Variants in GPD2 observed in about 807,000 individuals in gnomAD.
GPD2 encodes glycerol-3-phosphate dehydrogenase 2.
A neutral mutation model predicts 82.4 loss-of-function variants in GPD2; 54 were observed. The ratio of observed to expected loss-of-function variants is 0.66; its 90% CI spans 0.53 to 0.82. GPD2 has a LOEUF of 0.82. GPD2 is among the 40% of genes least tolerant of loss of function. GPD2 has a pLI of 0.00. For synonymous variants in GPD2, 288 were observed against 306.1 expected, an observed-to-expected ratio of 0.94 and a Z score of 0.62; for missense variants, 748 against 896.2, an observed-to-expected ratio of 0.83 and a Z score of 2.11.
intron 1 of GPD2, among the ~76,000 whole-genome samples, chr2:156,461,544 C>G (rs1682988022): frequency 6.6e-6 from 1 of 151,844 alleles, no homozygotes; most frequent in African/African-American, 2.4e-5. Context: ...ATGCCCAGCT[C>G]ATTTTTTCTA....
chr2:156,492,891 G>T (rs1684235760), intron 2 of GPD2, among the ~76,000 whole-genome samples: 2 of 152,248 alleles, frequency 1.3e-5, no homozygotes, highest in South Asian at 2.1e-4. Context: ...CAGAGAAAAA[G>T]GTTTGAGAAG....
intron 1 of GPD2, 91 bp from the exon 2 acceptor site, chr2:156,476,007 G>A (rs1683497368): frequency 6.5e-6 from 5 of 764,914 alleles, no homozygotes; most frequent in Non-Finnish European, 9.5e-6. Context: ...GTTTAACATG[G>A]TTTCATAATC....
chr2:156,557,037 A>G (rs1387502054), intron 8 of GPD2, among the ~76,000 whole-genome samples: 4 of 152,188 alleles, frequency 2.6e-5, no homozygotes, highest in Non-Finnish European at 5.9e-5. Flanking sequence ...GAAAGTATAG[A>G]CATTTATCCT....
In GPD2 at chr2:156,540,981, C is replaced by T. The variant is rs148955441; in HGVS notation, c.662-8627C>T. On this transcript the variant is annotated intron_variant, in intron 6 of 16. Coordinates refer to ENST00000438166, the MANE Select transcript of GPD2 (RefSeq NM_000408.5). ...TTTAAAAGTTATTTTAGGCAATAAC[C>T]ACATCTTGTCGTTATAGTCTTTGCT... Among the ~76,000 whole-genome samples, 382 of 152,292 alleles carry T rather than the reference C, an allele frequency of 2.5e-3. 1 individual carries two copies. Among genetic ancestry groups the T allele is most frequent in the African/African-American group, 8.1e-3 (335 of 41,568 alleles).
At chr2:156,516,347 A>G (rs567841738) in intron 6 of GPD2, among the ~76,000 whole-genome samples, 1 of 152,390 alleles carries the variant, frequency 6.6e-6, no homozygotes, top group African/African-American at 2.4e-5. Context: ...GCCATTTTAA[A>G]GTGAACAGAA....
chr2:156,550,589 CTTTCTT>C lies in GPD2; in HGVS notation c.827-11_827-6del. The C allele has an allele frequency of 6.2e-7, 1 of 1,613,690 alleles. No homozygotes were observed. The highest frequency in any genetic ancestry group is 8.5e-7 in the Non-Finnish European group (1 of 1,179,560). ...CAAATGAGGTGTGTGATTGATGCCA[CTTTCTT>C]TCACAGGGCAGGAATTTGACGTGAG... On this transcript the variant is annotated splice_polypyrimidine_tract_variant and splice_region_variant and intron_variant, in intron 7 of 16. Transcript: ENST00000438166.
intron 6 of GPD2, among the ~76,000 whole-genome samples, chr2:156,526,498 C>T (rs1250858152): frequency 6.6e-6 from 1 of 152,082 alleles, no homozygotes; most frequent in East Asian, 1.9e-4. Context: ...ATGAGTCTGT[C>T]TTATACTAAT....
chr2:156,585,176 A>G lies in GPD2; in HGVS notation c.*2258A>G, dbSNP rs1419807375. 2 of 152,492 alleles carry G rather than the reference A, an allele frequency of 1.3e-5. No homozygotes were observed. The highest frequency in any genetic ancestry group is 2.1e-4 in the South Asian group (1 of 4,826). The allele number at this position is 152,492 out of a possible 1,614,324, so 9.4% of individuals were successfully genotyped here. A position where few individuals can be genotyped will look rare whatever the true frequency, so the allele number is the denominator to read the frequency against. On this transcript the variant is annotated 3_prime_UTR_variant, in exon 17 of 17. Coordinates refer to ENST00000438166, the MANE Select transcript of GPD2 (RefSeq NM_000408.5). ...TGAATAAAGCACCCCAGCATTTTGT[A>G]TAAGCTCTTAATTAAACCTGTACAG...
intron 8 of GPD2, among the ~76,000 whole-genome samples, chr2:156,551,766 A>G (rs1686767637): frequency 6.6e-6 from 1 of 152,208 alleles, no homozygotes; most frequent in African/African-American, 2.4e-5. Flanking sequence ...TATAATGTCA[A>G]TTTAGAGTAT....
chr2:156,555,785 T>G (rs1220684252), intron 8 of GPD2, among the ~76,000 whole-genome samples: 1 of 152,192 alleles, frequency 6.6e-6, no homozygotes, highest in Admixed American at 6.5e-5. Context: ...AGTAAAATTA[T>G]TTTCTCTAAG....
At chr2:156,544,329 C>T (rs1019967017) in intron 6 of GPD2, among the ~76,000 whole-genome samples, 2 of 152,142 alleles carry the variant, frequency 1.3e-5, no homozygotes, top group African/African-American at 2.4e-5. Flanking sequence ...CAGAAACATA[C>T]AAGTGTTCTT....
intron 9 of GPD2, among the ~76,000 whole-genome samples, chr2:156,561,803 G>GA (rs1216383197): frequency 4.0e-5 from 6 of 151,806 alleles, no homozygotes; most frequent in Non-Finnish European, 7.4e-5. Flanking sequence ...ATATCCTTAA[G>GA]AAAAAAAAGT....
chr2:156,453,779 A>T (rs952178992), intron 1 of GPD2, among the ~76,000 whole-genome samples: 3 of 152,178 alleles, frequency 2.0e-5, no homozygotes, highest in African/African-American at 7.2e-5. Context: ...TGGGAGGCTG[A>T]GGCAGGAGAA....
At chr2:156,442,179 CAGAG>C (rs1558900028) in intron 1 of GPD2, among the ~76,000 whole-genome samples, 1 of 152,056 alleles carries the variant, frequency 6.6e-6, no homozygotes, top group Non-Finnish European at 1.5e-5. Flanking sequence ...CAAGCTATGA[CAGAG>C]AGACTGTTTT....
At chr2:156,411,769 G>C in the GPD2 span, among the ~76,000 whole-genome samples, 1 of 152,036 alleles carries the variant, frequency 6.6e-6, no homozygotes, top group African/African-American at 2.4e-5. Flanking sequence ...TCTTCAGAAG[G>C]GTAAGGAATT....
intron 6 of GPD2, among the ~76,000 whole-genome samples, chr2:156,517,606 AG>A (rs1373651440): frequency 6.6e-6 from 1 of 152,206 alleles, no homozygotes; most frequent in Non-Finnish European, 1.5e-5. Flanking sequence ...ACTGCTGATA[AG>A]GGAGTTATCA....
chr2:156,579,882 C>G, intron 16 of GPD2, 94 bp downstream of exon 16: 1 of 733,792 alleles, frequency 1.4e-6, no homozygotes, highest in Non-Finnish European at 2.5e-6. Flanking sequence ...TTTAAGTCCA[C>G]ACAATTGTCA....
intron 2 of GPD2, among the ~76,000 whole-genome samples, chr2:156,479,333 C>CA (rs950961266): frequency 1.3e-5 from 2 of 152,086 alleles, no homozygotes; most frequent in African/African-American, 4.8e-5. Flanking sequence ...TAGAGGCCTC[C>CA]ATGGAGACTG....
chr2:156,531,323 A>T (rs1685850060), intron 6 of GPD2, among the ~76,000 whole-genome samples: 1 of 152,136 alleles, frequency 6.6e-6, no homozygotes, highest in South Asian at 2.1e-4. Flanking sequence ...CTGCTGGTTG[A>T]TGCTTTTGAT....
Sources: allele counts gnomAD v4.1 joint callset (sites outside exome capture counted in the v4.1 genomes callset), GRCh38; gene constraint gnomAD v4.1.1; transcripts MANE v1.5; gene names NCBI Gene and HGNC (gene_info 2026-07-23, HGNC 2026-07-21).